The following RFX4 variants were observed in gnomAD, a reference collection of about 807,000 sequenced individuals.
RFX4 encodes the protein regulatory factor X4, also known as transcription factor RFX4.
RFX4 carries 10 observed loss-of-function variants against 95.0 expected under a neutral mutation model. The ratio of observed to expected loss-of-function variants is 0.11; its 90% CI spans 0.06 to 0.18. RFX4 has a LOEUF of 0.18. Ranked by LOEUF, RFX4 falls within the 10% of genes least tolerant of loss-of-function variation. The pLI is 1.00. For synonymous variants in RFX4, 321 were observed against 340.7 expected (o/e 0.94, Z 0.64); for missense variants, 640 against 922.0 (o/e 0.69, Z 3.96).
intron 1 of RFX4, among the ~76,000 whole-genome samples, chr12:106,601,836 A>C (rs1798629197): frequency 6.6e-6 from 1 of 152,164 alleles, no homozygotes; most frequent in African/African-American, 2.4e-5. Context: ...CAGGCCTTTC[A>C]CAGCTTTGTG....
intron 2 of RFX4, among the ~76,000 whole-genome samples, chr12:106,637,997 G>A (rs557924247): frequency 1.3e-5 from 2 of 151,366 alleles, no homozygotes; most frequent in Non-Finnish European, 2.9e-5. Context: ...TATTATATTC[G>A]ATTATTACTA....
At chr12:106,695,366 TCTA>T (rs1305858727) in intron 7 of RFX4, among the ~76,000 whole-genome samples, 1 of 152,214 alleles carries the variant, frequency 6.6e-6, no homozygotes, top group African/African-American at 2.4e-5. Flanking sequence ...GTTACTATCT[TCTA>T]CTATTTCTCT....
chr12:106,732,057 G>A (rs1375212597), intron 13 of RFX4, 73 bp from the exon 14 acceptor site: 1 of 1,579,404 alleles, frequency 6.3e-7, no homozygotes, highest in Non-Finnish European at 8.6e-7. Context: ...TGTAACTTGT[G>A]CAGTTGACCA....
chr12:106,761,560 T>C lies in RFX4; in HGVS notation c.*91T>C. The C allele has an allele frequency of 2.0e-6, 2 of 979,362 alleles. No individual in the cohort carries two copies. The highest frequency in any genetic ancestry group is 2.6e-6 in the Non-Finnish European group (2 of 763,094). The allele number at this position is 979,362 out of a possible 1,614,324, so 60.7% of individuals were successfully genotyped here. ...CCCATCCCCCAGAAGACTTTATCTC[T>C]ATACATTGTAACTCATGGGCTATTC... is the stretch of plus-strand genomic sequence containing the variant. On this transcript the variant is annotated 3_prime_UTR_variant, in exon 18 of 18. Transcript: ENST00000392842.
intron 8 of RFX4, among the ~76,000 whole-genome samples, chr12:106,708,160 A>G (rs1281478485): frequency 6.6e-6 from 1 of 152,172 alleles, no homozygotes; most frequent in Non-Finnish European, 1.5e-5. Context: ...AGAATGATGT[A>G]GTAGAGAAGA....
chr12:106,642,628 A>G (rs911633641), intron 3 of RFX4, among the ~76,000 whole-genome samples: 5 of 152,098 alleles, frequency 3.3e-5, no homozygotes, highest in Admixed American at 3.3e-4. Flanking sequence ...TAAAAAAACA[A>G]CTAATGATTG....
In RFX4 at chr12:106,732,965, C is replaced by T; in HGVS notation, c.1513C>T (p.Pro505Ser). ...GATCATCTTGACAGAGGCTGCCGCA[C>T]CAACCCCTTCACCAGTGCCATCGTT... Reference protein sequence around the residue: ...EEIILTEAAAPTPSPVPSFSP... With the variant: ...EEIILTEAAASTPSPVPSFSP... The change falls in exon 15 of 18, where the codon CCA (proline) becomes TCA (serine). Residue 505 changes from proline to serine, a missense_variant. Coordinates refer to ENST00000392842, the MANE Select transcript of RFX4 (RefSeq NM_213594.3). 3 of 1,614,160 alleles carry T rather than the reference C, an allele frequency of 1.9e-6. No individual in the cohort carries two copies. Among genetic ancestry groups the T allele is most frequent in the South Asian group, 1.1e-5 (1 of 91,074 alleles).
At chr12:106,671,124 A>C (rs1565973086) in intron 4 of RFX4, among the ~76,000 whole-genome samples, 1 of 152,224 alleles carries the variant, frequency 6.6e-6, no homozygotes, top group Non-Finnish European at 1.5e-5. Flanking sequence ...TCTCATTTTT[A>C]AACTATGTTC....
At chr12:106,751,699 A>G (rs1395460321) in intron 17 of RFX4, among the ~76,000 whole-genome samples, 1 of 151,274 alleles carries the variant, frequency 6.6e-6, no homozygotes, top group East Asian at 1.9e-4. Context: ...GATGGTGAGC[A>G]TTTTTTCATG....
At chr12:106,591,509 A>T (rs1459468566) in intron 1 of RFX4, among the ~76,000 whole-genome samples, 1 of 151,886 alleles carries the variant, frequency 6.6e-6, no homozygotes, top group African/African-American at 2.4e-5. Flanking sequence ...CTTGTGATCC[A>T]CCCACCTCGG....
At chr12:106,616,402 T>G (rs1426044896) in intron 2 of RFX4, among the ~76,000 whole-genome samples, 1 of 152,178 alleles carries the variant, frequency 6.6e-6, no homozygotes, top group East Asian at 1.9e-4. Context: ...GCATCTATGT[T>G]CATGAGATTT....
chr12:106,689,259 G>T, intron 6 of RFX4, 28 bp from the exon 7 acceptor site: 1 of 1,557,142 alleles, frequency 6.4e-7, no homozygotes, highest in Non-Finnish European at 8.9e-7. Flanking sequence ...GTATGTCTTT[G>T]TTGTTGATCC....
In RFX4 at chr12:106,720,662, C is replaced by T; in HGVS notation, c.1234-97C>T. On this transcript the variant is annotated intron_variant, in intron 12 of 17. Coordinates refer to ENST00000392842, the MANE Select transcript of RFX4 (RefSeq NM_213594.3). This position sits in a 1 kb window ranked among gnomAD's most constrained non-coding sequence, Gnocchi z 4.2. ...TTGGCCTCCCAAAGTGCTGGGATTA[C>T]AGGCGTGAGCCACTTCAACCGGCCT... 8.4e-7 allele frequency: 1 copy of T among 1,195,220 alleles called. No homozygotes were observed. The allele number at this position is 1,195,220 out of a possible 1,614,324, so 74.0% of individuals were successfully genotyped here.
chr12:106,709,533 G>T, intron 9 of RFX4, 103 bp downstream of exon 9: 1 of 783,142 alleles, frequency 1.3e-6, no homozygotes, highest in South Asian at 1.8e-5. Context: ...TTTACTGGTT[G>T]ACTATAAAGC....
intron 11 of RFX4, among the ~76,000 whole-genome samples, chr12:106,719,057 GCT>G (rs1400505350): frequency 6.6e-6 from 1 of 152,120 alleles, no homozygotes; most frequent in Non-Finnish European, 1.5e-5. Flanking sequence ...GGGAGGTGGA[GCT>G]TGCAGTGAGC....
intron 4 of RFX4, among the ~76,000 whole-genome samples, chr12:106,670,391 T>A (rs1457465848): frequency 2.0e-5 from 3 of 152,178 alleles, no homozygotes; most frequent in Non-Finnish European, 4.4e-5. Context: ...TGACACATTA[T>A]CCAGTCACCC....
rs190089592 is a variant in RFX4, at chr12:106,701,591, A to G, written c.833+5145A>G. ...ATTTTTCTCCTTGTGTTTTAGATGG[A>G]GTAATTTTTACTGACCTATCTTCAG... On this transcript the variant is annotated intron_variant, in intron 8 of 17. Coordinates refer to ENST00000392842, the MANE Select transcript of RFX4 (RefSeq NM_213594.3). Among the ~76,000 whole-genome samples the G allele has an allele frequency of 2.6e-4, 40 of 152,204 alleles. No homozygotes were observed. The East Asian group carries it at 4.8e-3, about 18-fold the overall frequency.
At chr12:106,707,269 A>T (rs2042102795) in intron 8 of RFX4, among the ~76,000 whole-genome samples, 1 of 152,172 alleles carries the variant, frequency 6.6e-6, no homozygotes, top group Admixed American at 6.5e-5. Context: ...CCAAGGGGGA[A>T]ATCACAAGTT....
chr12:106,759,502 G>A (rs2043172139), intron 17 of RFX4, among the ~76,000 whole-genome samples: 1 of 152,042 alleles, frequency 6.6e-6, no homozygotes, highest in African/African-American at 2.4e-5. Context: ...CTTGTTTTTT[G>A]GGACAGGGCC....
Sources: allele counts gnomAD v4.1 joint callset (sites outside exome capture counted in the v4.1 genomes callset), GRCh38; gene constraint gnomAD v4.1.1; non-coding constraint Gnocchi (gnomAD v3.1); transcripts MANE v1.5; gene names NCBI Gene and HGNC (gene_info 2026-07-23, HGNC 2026-07-21).